Variants in ACSL3 observed in about 807,000 individuals in gnomAD.
ACSL3 encodes the protein acyl-CoA synthetase long chain family member 3.
ACSL3 carries 34 observed loss-of-function variants against 84.7 expected under a neutral mutation model. That is an observed-to-expected ratio of 0.40 (90% CI 0.31 to 0.53). The LOEUF (loss-of-function observed/expected upper bound fraction) is 0.53. ACSL3 is among the 20% of genes least tolerant of loss of function. ACSL3 has a pLI of 0.48. For synonymous variants in ACSL3, 315 were observed against 299.4 expected (o/e 1.05, Z -0.54); for missense variants, 680 against 873.1 (o/e 0.78, Z 2.79).
At chr2:222,913,909 C>T (rs1298114016) in intron 4 of ACSL3, among the ~76,000 whole-genome samples, 10 of 152,094 alleles carry the variant, frequency 6.6e-5, no homozygotes, top group Non-Finnish European at 1.5e-4. Context: ...TAACACTTGC[C>T]GTGTCCTTAG....
chr2:222,866,500 G>A (rs1695145486), intron 1 of ACSL3, among the ~76,000 whole-genome samples: 1 of 152,172 alleles, frequency 6.6e-6, no homozygotes, highest in Non-Finnish European at 1.5e-5. Flanking sequence ...CTGAAGCACA[G>A]AGCAATTTAA....
chr2:222,861,516 T>A (rs932258130), intron 1 of ACSL3: 2 of 152,136 alleles, frequency 1.3e-5, no homozygotes, highest in Admixed American at 6.5e-5. Flanking sequence ...AGCCGGGAGC[T>A]GCAGCGCGAA....
chr2:222,918,987 A>C, intron 6 of ACSL3, 77 bp from the exon 7 acceptor site: 1 of 1,537,464 alleles, frequency 6.5e-7, no homozygotes, highest in Non-Finnish European at 8.8e-7. Flanking sequence ...TGATTCACCG[A>C]ATATGGTAAA....
chr2:222,910,128 A>C (rs147300988), intron 4 of ACSL3, among the ~76,000 whole-genome samples: 51 of 152,304 alleles, frequency 3.3e-4, no homozygotes, highest in African/African-American at 1.2e-3. Context: ...TTAGATTACT[A>C]TTATCTTGAG....
chr2:222,913,941 G>T (rs991250496), intron 4 of ACSL3, among the ~76,000 whole-genome samples: 1 of 152,104 alleles, frequency 6.6e-6, no homozygotes, highest in African/African-American at 2.4e-5. Context: ...CACTAATAAA[G>T]GTTAGTTACC....
chr2:222,881,382 T>C (rs942214199), intron 1 of ACSL3, among the ~76,000 whole-genome samples: 1 of 152,282 alleles, frequency 6.6e-6, no homozygotes, highest in Admixed American at 6.5e-5. Flanking sequence ...GTTGGCCTTG[T>C]TGTCCCTTAC....
intron 1 of ACSL3, among the ~76,000 whole-genome samples, chr2:222,863,297 G>C (rs13029225): frequency 6.6e-6 from 1 of 152,154 alleles, no homozygotes; most frequent in Non-Finnish European, 1.5e-5. Context: ...TTGAATTGAT[G>C]TGGTGAGATT....
At chr2:222,870,786 A>C (rs1209195372) in intron 1 of ACSL3, among the ~76,000 whole-genome samples, 1 of 152,232 alleles carries the variant, frequency 6.6e-6, no homozygotes, top group Non-Finnish European at 1.5e-5. Flanking sequence ...TTGAAAAGTA[A>C]GCTGACTTCA....
chr2:222,908,542 CTT>C (rs1696356315), intron 3 of ACSL3, among the ~76,000 whole-genome samples, 189 bp from the exon 4 acceptor site: 1 of 152,068 alleles, frequency 6.6e-6, no homozygotes, highest in Admixed American at 6.5e-5. Flanking sequence ...GATGTGGAAA[CTT>C]TTCTTGTAAT....
chr2:222,879,675 A>G (rs1279361904), intron 1 of ACSL3, among the ~76,000 whole-genome samples: 2 of 152,170 alleles, frequency 1.3e-5, no homozygotes, highest in African/African-American at 4.8e-5. Flanking sequence ...CAGCACATTC[A>G]TGTTTTTGAT....
intron 14 of ACSL3, among the ~76,000 whole-genome samples, chr2:222,931,057 C>T (rs981460367): frequency 1.3e-5 from 2 of 152,120 alleles, no homozygotes; most frequent in African/African-American, 2.4e-5. Context: ...AACCTTCAGT[C>T]ATTGTTTCCT....
intron 1 of ACSL3, among the ~76,000 whole-genome samples, chr2:222,871,217 A>G (rs1257410964): frequency 6.7e-6 from 1 of 149,572 alleles, no homozygotes. Flanking sequence ...AGAAATGGGA[A>G]GAGTCAGCTT....
intron 4 of ACSL3, among the ~76,000 whole-genome samples, chr2:222,912,459 C>T (rs1286193858): frequency 2.0e-5 from 3 of 152,154 alleles, no homozygotes; most frequent in African/African-American, 7.2e-5. Flanking sequence ...TGATCAAGCT[C>T]AGTGAAGTGT....
chr2:222,939,218 A>G (rs1282511168), intron 16 of ACSL3, among the ~76,000 whole-genome samples: 1 of 152,154 alleles, frequency 6.6e-6, no homozygotes, highest in Non-Finnish European at 1.5e-5. Flanking sequence ...TTGAAAAATC[A>G]GCTACCTTTC....
chr2:222,862,082 A>G (rs532640798), intron 1 of ACSL3, among the ~76,000 whole-genome samples: 3 of 152,356 alleles, frequency 2.0e-5, no homozygotes, highest in African/African-American at 4.8e-5. Flanking sequence ...TTAAAATTAT[A>G]TGGAAGCTAG....
intron 12 of ACSL3, 139 bp downstream of exon 12, chr2:222,927,328 T>C: frequency 1.2e-6 from 1 of 809,878 alleles, no homozygotes; most frequent in Non-Finnish European, 1.8e-6. Context: ...AGTACTATGA[T>C]CATTGATATC....
chr2:222,911,869 G>A (rs1696448494), intron 4 of ACSL3, among the ~76,000 whole-genome samples: 1 of 152,218 alleles, frequency 6.6e-6, no homozygotes, highest in East Asian at 1.9e-4. Flanking sequence ...AAAGTATGAA[G>A]TATTTGAACT....
chr2:222,861,552 A>G (rs1695008894), intron 1 of ACSL3: 1 of 152,186 alleles, frequency 6.6e-6, no homozygotes, highest in African/African-American at 2.4e-5. Context: ...CTGACCAGGC[A>G]GGGAGGATGC....
chr2:222,940,100 A>G (rs568506411), intron 16 of ACSL3, among the ~76,000 whole-genome samples: 89 of 152,250 alleles, frequency 5.8e-4, no homozygotes, highest in African/African-American at 2.1e-3. Flanking sequence ...TCTGCCCCTT[A>G]ATCTCCTTTA....
Sources: allele counts gnomAD v4.1 joint callset (sites outside exome capture counted in the v4.1 genomes callset), GRCh38; gene constraint gnomAD v4.1.1; transcripts MANE v1.5; gene names NCBI Gene and HGNC (gene_info 2026-07-23, HGNC 2026-07-21).